Variants in SNX10 observed in about 807,000 individuals in gnomAD.
The protein encoded by SNX10 is sorting nexin-10.
Under a neutral mutation model 28.5 loss-of-function variants are expected in SNX10, and 25 were observed. That is an observed-to-expected ratio of 0.88 (90% CI 0.64 to 1.22). The LOEUF is 1.22. SNX10 is among the 50% of genes most tolerant of loss of function. The probability of loss-of-function intolerance (pLI) is 0.00; values close to 1 mark genes in which losing one functional copy is unlikely to be tolerated. For missense variants in SNX10, 223 were observed against 242.6 expected (o/e 0.92, Z 0.54); for synonymous variants, 62 against 81.4 (o/e 0.76, Z 1.28).
At chr7:26,345,981 C>T (rs997879804) in intron 1 of SNX10, among the ~76,000 whole-genome samples, 2 of 152,178 alleles carry the variant, frequency 1.3e-5, no homozygotes, top group African/African-American at 4.8e-5. Context: ...ATAAGTGTCA[C>T]AGGAAGGGCC....
intron 1 of SNX10, among the ~76,000 whole-genome samples, chr7:26,314,442 T>G (rs1276359435): frequency 6.6e-6 from 1 of 152,062 alleles, no homozygotes; most frequent in Non-Finnish European, 1.5e-5. Context: ...TTTTAGTAGA[T>G]GGAGTTTTAC....
rs1788390435 is a variant in SNX10, at chr7:26,346,442, G to C, written c.-1G>C. ...CAGATTGATCGTGTCCTGTGCTGAA[G>C]ATGTTTCCGGAACAACAGAAAGAGG... On this transcript the variant is annotated 5_prime_UTR_variant, in exon 2 of 7. Coordinates refer to ENST00000338523, the MANE Select transcript of SNX10 (RefSeq NM_013322.3). 2 of 1,609,392 alleles carry C rather than the reference G, an allele frequency of 1.2e-6. No homozygotes were observed. The highest frequency in any genetic ancestry group is 3.3e-5 in the Admixed American group (2 of 60,002).
chr7:26,344,175 A>ATTT (rs35200460), intron 1 of SNX10, among the ~76,000 whole-genome samples: 2,884 of 114,050 alleles, frequency 0.025, 160 homozygotes, highest in African/African-American at 0.07. Flanking sequence ...CTGTCTCTGA[A>ATTT]TTTTTTTTTT....
chr7:26,364,205 G>T lies in SNX10; in HGVS notation c.112-330G>T, dbSNP rs921964931. Reference sequence around the variant, plus strand: ...AACGGATGAACCTGAGCTCCTACCTGTCATTTATATGTTAGGATTTATTTT... The same window carrying T: ...AACGGATGAACCTGAGCTCCTACCTTTCATTTATATGTTAGGATTTATTTT... On this transcript the variant is annotated intron_variant, in intron 3 of 6. Coordinates refer to ENST00000338523, the MANE Select transcript of SNX10 (RefSeq NM_013322.3). The surrounding 1 kb of genome is among the most constrained non-coding windows in gnomAD (Gnocchi z 4.9). The T allele has an allele frequency of 4.2e-6, 2 of 476,872 alleles. No individual in the cohort carries two copies. Among genetic ancestry groups the T allele is most frequent in the Non-Finnish European group, 5.6e-6 (2 of 360,048 alleles). The allele number at this position is 476,872 out of a possible 1,614,324, so 29.5% of individuals were successfully genotyped here.
chr7:26,349,710 A>G (rs1375167827), intron 2 of SNX10, among the ~76,000 whole-genome samples: 2 of 152,246 alleles, frequency 1.3e-5, no homozygotes, highest in Admixed American at 6.5e-5. Context: ...CCAGACTCCA[A>G]ATGGAAAGGC....
chr7:26,316,040 C>T (rs549563101), intron 1 of SNX10, among the ~76,000 whole-genome samples: 31 of 151,586 alleles, frequency 2.0e-4, no homozygotes, highest in Admixed American at 5.9e-4. Flanking sequence ...AAAAACTAGC[C>T]GGGCGTGGTG....
chr7:26,302,439 C>T (rs1325703297), intron 1 of SNX10, among the ~76,000 whole-genome samples: 1 of 151,602 alleles, frequency 6.6e-6, no homozygotes. Context: ...CCAAGACAAC[C>T]CCACCTCAGC....
chr7:26,321,213 G>T (rs1226171099), intron 1 of SNX10, among the ~76,000 whole-genome samples: 1 of 152,184 alleles, frequency 6.6e-6, no homozygotes, highest in African/African-American at 2.4e-5. Flanking sequence ...GGAGCTCACA[G>T]CCCGGTGTGT....
chr7:26,365,148 G>A lies in SNX10; in HGVS notation c.311+3G>A, dbSNP rs907556114. ...GGTCTGGAAGATTTCCTCAGAAAGT[G>A]AGTGTCCAGAAACTTTTGTGGCCAG... On this transcript the variant is annotated splice_donor_region_variant and intron_variant, in intron 5 of 6. Coordinates refer to ENST00000338523, the MANE Select transcript of SNX10 (RefSeq NM_013322.3). The A allele has an allele frequency of 1.3e-6, 2 of 1,583,682 alleles. No individual in the cohort carries two copies.
At chr7:26,301,018 C>A (rs1211937862) in intron 1 of SNX10, among the ~76,000 whole-genome samples, 1 of 63,930 alleles carries the variant, frequency 1.6e-5, no homozygotes, top group Admixed American at 2.2e-4. Context: ...TACTCTGTCT[C>A]CAAAAAAAAA....
intron 2 of SNX10, among the ~76,000 whole-genome samples, chr7:26,350,973 T>C (rs1296742610): frequency 6.6e-6 from 1 of 152,180 alleles, no homozygotes; most frequent in Non-Finnish European, 1.5e-5. Context: ...TTCTTCCAGA[T>C]TTTAAAATAA....
At chr7:26,361,100 C>T (rs774471108) in intron 3 of SNX10, 39 bp downstream of exon 3, 3 of 1,543,010 alleles carry the variant, frequency 1.9e-6, no homozygotes, top group Non-Finnish European at 8.7e-7. Flanking sequence ...TTTTGAGGGA[C>T]TTTTATGGGA....
chr7:26,312,012 C>G (rs1484189288), intron 1 of SNX10, among the ~76,000 whole-genome samples: 1 of 152,074 alleles, frequency 6.6e-6, no homozygotes, highest in African/African-American at 2.4e-5. Context: ...AAGTCTTGCA[C>G]TGCCTGCCTC....
intron 1 of SNX10, among the ~76,000 whole-genome samples, chr7:26,329,939 C>T (rs375078206): frequency 2.0e-5 from 3 of 151,940 alleles, no homozygotes; most frequent in South Asian, 2.1e-4. Context: ...AGTGGAAGGA[C>T]GGGAGGTCCA....
At chr7:26,354,139 T>C (rs1166665686) in intron 2 of SNX10, 1 of 152,174 alleles carries the variant, frequency 6.6e-6, no homozygotes, top group African/African-American at 2.4e-5. Flanking sequence ...CCTATCACAA[T>C]GGCTAAAATA....
At chr7:26,338,749 G>C (rs559354353) in intron 1 of SNX10, among the ~76,000 whole-genome samples, 2 of 152,270 alleles carry the variant, frequency 1.3e-5, no homozygotes, top group African/African-American at 4.8e-5. Context: ...AGCTTAGGAA[G>C]TAGGGAGTGC....
At chr7:26,344,258 G>T (rs1390975932) in intron 1 of SNX10, among the ~76,000 whole-genome samples, 1 of 139,990 alleles carries the variant, frequency 7.1e-6, no homozygotes, top group Non-Finnish European at 1.5e-5. Flanking sequence ...TGCAACTTTT[G>T]CTTCCCAGGC....
Position 26,374,031 on chromosome 7 carries a change from A to C in SNX10, c.*1459A>C, listed in dbSNP as rs1010650548. 4 of 152,046 alleles carry C rather than the reference A, an allele frequency of 2.6e-5. No homozygotes were observed. Among genetic ancestry groups the C allele is most frequent in the Non-Finnish European group, 5.9e-5 (4 of 67,888 alleles). The allele number at this position is 152,046 out of a possible 1,614,324, so 9.4% of individuals were successfully genotyped here. ...TAAATATTTTGATTTAATGTGTCTT[A>C]GATCCTCATTATTTTAATACAGGAA... is the stretch of plus-strand genomic sequence containing the variant. On this transcript the variant is annotated 3_prime_UTR_variant, in exon 7 of 7. Transcript: ENST00000338523.
chr7:26,298,614 C>G (rs1562780383), intron 1 of SNX10, among the ~76,000 whole-genome samples: 1 of 152,128 alleles, frequency 6.6e-6, no homozygotes, highest in African/African-American at 2.4e-5. Context: ...TACTTGCCTA[C>G]TTGAAAAAAG....
Sources: gnomAD v4.1 joint callset for allele counts (sites outside exome capture counted in the v4.1 genomes callset) on GRCh38, gnomAD v4.1.1 for gene constraint, Gnocchi (gnomAD v3.1) non-coding constraint, MANE v1.5 for transcripts, NCBI Gene and HGNC (gene_info 2026-07-23, HGNC 2026-07-21) for gene names.